SERINC5: variants seen among roughly 807,000 people sequenced by gnomAD.
The protein encoded by SERINC5 is chromosome 5 open reading frame 12.
Under a neutral mutation model 63.1 loss-of-function variants are expected in SERINC5, and 41 were observed. The observed-to-expected ratio is 0.65, with a 90% CI of 0.51 to 0.84. SERINC5 has a LOEUF of 0.84. Ranked by LOEUF, SERINC5 falls within the 40% of genes least tolerant of loss-of-function variation. The probability of loss-of-function intolerance (pLI) is 0.00; values close to 1 mark genes in which losing one functional copy is unlikely to be tolerated. For missense variants in SERINC5, 523 were observed against 573.0 expected (o/e 0.91, Z 0.89); for synonymous variants, 222 against 215.2 (o/e 1.03, Z -0.28).
At chr5:80,206,610 T>A (rs534856490) in intron 1 of SERINC5, among the ~76,000 whole-genome samples, 109 of 152,324 alleles carry the variant, frequency 7.2e-4, no homozygotes, top group African/African-American at 1.7e-3. Context: ...CATTACTGCA[T>A]GTGTGGGTGT....
At position 80,141,708 on chromosome 5, in the gene SERINC5, C is replaced by T; in HGVS notation, c.*1955G>A. ...ATTCCTGGCCCACGGAACTCCTGTC[C>T]CCTAACTGATTCCTCAGGTTAGAAC... On this transcript the variant is annotated 3_prime_UTR_variant, in exon 12 of 12. Transcript: ENST00000507668. 1.0e-6 allele frequency: 1 copy of T among 985,578 alleles called. No individual in the cohort carries two copies. Among genetic ancestry groups the T allele is most frequent in the Non-Finnish European group, 1.2e-6 (1 of 830,030 alleles). The allele number at this position is 985,578 out of a possible 1,614,324, so 61.1% of individuals were successfully genotyped here. A position where few individuals can be genotyped will look rare whatever the true frequency, so the allele number is the denominator to read the frequency against.
At chr5:80,176,320 C>T (rs1194778757) in intron 4 of SERINC5, among the ~76,000 whole-genome samples, 1 of 152,180 alleles carries the variant, frequency 6.6e-6, no homozygotes, top group African/African-American at 2.4e-5. Flanking sequence ...AACAGCAAGA[C>T]TTAGGGAGTA....
rs756832510 is a variant in SERINC5, at chr5:80,147,246, C to T, written c.1092G>A (p.Glu364=). The change falls in exon 10 of 12, where the codon GAG becomes GAA. Residue 364 remains glutamate (E), a splice_region_variant and synonymous_variant. Coordinates refer to ENST00000507668, the MANE Select transcript of SERINC5 (RefSeq NM_001174072.3). ...RCCFCFSPGG[E]DTEEQQPGKE... is the part of the protein sequence containing the mutation. ...AAAGAATAAAAGCGCTCTGCTTACC[C>T]TCTCCACCAGGACTGAAGCAAAAAC... 1 of 1,601,916 alleles carries T rather than the reference C, an allele frequency of 6.2e-7. No individual in the cohort carries two copies. Among genetic ancestry groups the T allele is most frequent in the Non-Finnish European group, 8.5e-7 (1 of 1,174,736 alleles).
chr5:80,214,378 T>C (rs556282796), intron 1 of SERINC5, among the ~76,000 whole-genome samples: 77 of 152,252 alleles, frequency 5.1e-4, no homozygotes, highest in Admixed American at 2.5e-3. Context: ...ATCTTATAAT[T>C]AGAAAAACAT....
intron 1 of SERINC5, among the ~76,000 whole-genome samples, chr5:80,246,263 G>A (rs112584667): frequency 1.3e-5 from 2 of 152,038 alleles, no homozygotes; most frequent in East Asian, 3.9e-4. Context: ...AAATTGCTGA[G>A]ACATAATGTG....
At chr5:80,244,679 G>A (rs935543029) in intron 1 of SERINC5, among the ~76,000 whole-genome samples, 4 of 151,918 alleles carry the variant, frequency 2.6e-5, no homozygotes, top group African/African-American at 7.2e-5. Context: ...AAAATTAGCC[G>A]GGCCTAGTGG....
chr5:80,166,448 C>A lies in SERINC5; in HGVS notation c.794G>T (p.Gly265Val), dbSNP rs868190018. The A allele has an allele frequency of 6.3e-7, 1 of 1,595,166 alleles. No individual in the cohort carries two copies. The highest frequency in any genetic ancestry group is 2.3e-5 in the East Asian group (1 of 44,136). ...RQPHSGLLQS[G>V]VISCYVTYLT... ...GTAGGTGACATAGCAGCTTATGACC[C>A]CTGATTGTAAGAGCCCCGAGTGTGG... Residue 265 changes from glycine to valine, a missense_variant, in exon 7 of 12, where the codon GGG becomes GTG. By Grantham distance (109) the Gly-to-Val change is moderately radical. Transcript: ENST00000507668.
chr5:80,120,160 C>T (rs1744487756), intron 11 of SERINC5, among the ~76,000 whole-genome samples: 1 of 152,194 alleles, frequency 6.6e-6, no homozygotes, highest in Non-Finnish European at 1.5e-5. Flanking sequence ...GAGACTGCTA[C>T]TATTCACCAA....
rs559256011 is a variant in SERINC5, at chr5:80,182,546, C to T, written c.196-4482G>A. Reference sequence around the variant, plus strand: ...CCATAAGCTTCTATCATCTGACCGCCCCCCCCCCCTCCGCTTTTTTTTAAT... The same window carrying T: ...CCATAAGCTTCTATCATCTGACCGCTCCCCCCCCCTCCGCTTTTTTTTAAT... On this transcript the variant is annotated intron_variant, in intron 2 of 11. Coordinates refer to ENST00000507668, the MANE Select transcript of SERINC5 (RefSeq NM_001174072.3). Among the ~76,000 whole-genome samples, 15 of 39,718 alleles carry T rather than the reference C, an allele frequency of 3.8e-4. 1 individual carries two copies. Among genetic ancestry groups the T allele is most frequent in the African/African-American group, 1.5e-3 (9 of 6,130 alleles). 26.1% of individuals were successfully genotyped at this position (39,718 alleles called of 152,430 possible). A position where few individuals can be genotyped will look rare whatever the true frequency, so the allele number is the denominator to read the frequency against.
intron 6 of SERINC5, 99 bp from the exon 7 acceptor site, chr5:80,166,577 G>C (rs1022042448): frequency 3.8e-5 from 27 of 704,824 alleles, no homozygotes; most frequent in Admixed American, 1.3e-4. Context: ...CCTCAAACTT[G>C]AGCATCCACC....
rs527567489 is a variant in SERINC5 at position 80,163,612 on chromosome 5, A to T, written c.859+2771T>A. Among the ~76,000 whole-genome samples the T allele has an allele frequency of 1.2e-3, 186 of 151,506 alleles. 4 individuals are homozygous for T. In the South Asian group the frequency reaches 0.037, roughly 30 times the overall value. ...TGCTTTTTCTGCATCTATTGAAATG[A>T]TCATATGGTTTTTATCTTTAATTCT... On this transcript the variant is annotated intron_variant, in intron 7 of 11. Coordinates refer to ENST00000507668, the MANE Select transcript of SERINC5 (RefSeq NM_001174072.3).
intron 11 of SERINC5, among the ~76,000 whole-genome samples, chr5:80,126,272 C>G (rs1377564503): frequency 2.0e-5 from 3 of 152,136 alleles, no homozygotes; most frequent in Admixed American, 6.5e-5. Flanking sequence ...AAACCAGAAG[C>G]AAACGAAGAG....
chr5:80,229,053 G>GGGGGGGGGC, intron 1 of SERINC5, among the ~76,000 whole-genome samples: 1 of 60,162 alleles, frequency 1.7e-5, no homozygotes, highest in East Asian at 3.9e-4. Flanking sequence ...TTTTTTTTGG[G>GGGGGGGGGC]GATGGAGTTG....
Position 80,178,733 on chromosome 5 carries a change from T to C in SERINC5, c.196-669A>G, listed in dbSNP as rs62364012. On this transcript the variant is annotated intron_variant, in intron 2 of 11. Transcript: ENST00000507668. Reference sequence around the variant, plus strand: ...ATATTTTTGTTGATATGTATACATATATACAAATAAAAAATCAGAGACTTC... The same window carrying C: ...ATATTTTTGTTGATATGTATACATACATACAAATAAAAAATCAGAGACTTC... Among the ~76,000 whole-genome samples the C allele has an allele frequency of 6.3e-3, 963 of 151,938 alleles. 3 individuals are homozygous for C. The highest frequency in any genetic ancestry group is 9.7e-3 in the Non-Finnish European group (657 of 67,958).
At chr5:80,211,559 G>A (rs1750430497) in intron 1 of SERINC5, among the ~76,000 whole-genome samples, 1 of 152,178 alleles carries the variant, frequency 6.6e-6, no homozygotes, top group Non-Finnish European at 1.5e-5. Flanking sequence ...CTGAGCACTG[G>A]AAGAGCCGCC....
intron 8 of SERINC5, among the ~76,000 whole-genome samples, chr5:80,155,596 G>T (rs1311073579): frequency 1.5e-5 from 2 of 131,540 alleles, no homozygotes; most frequent in South Asian, 5.3e-4. Flanking sequence ...AAGAAAGAAG[G>T]AGAGAGAGAG....
At chr5:80,221,000 C>T (rs1750875525) in intron 1 of SERINC5, among the ~76,000 whole-genome samples, 2 of 151,932 alleles carry the variant, frequency 1.3e-5, no homozygotes, top group Non-Finnish European at 2.9e-5. Context: ...AGGAAGCCCC[C>T]CAAAACAGGT....
At chr5:80,188,464 G>A (rs1468655100) in intron 2 of SERINC5, among the ~76,000 whole-genome samples, 1 of 151,974 alleles carries the variant, frequency 6.6e-6, no homozygotes, top group East Asian at 1.9e-4. Context: ...TTCCCTAGAG[G>A]TGCCACTGTC....
At chr5:80,176,115 G>T (rs1189554727) in intron 4 of SERINC5, among the ~76,000 whole-genome samples, 1 of 152,052 alleles carries the variant, frequency 6.6e-6, no homozygotes, top group Non-Finnish European at 1.5e-5. Flanking sequence ...TGAGGCAGAG[G>T]CTGCAGTGAG....
Sources: allele counts gnomAD v4.1 joint callset (sites outside exome capture counted in the v4.1 genomes callset), GRCh38; gene constraint gnomAD v4.1.1; transcripts MANE v1.5; gene names NCBI Gene and HGNC (gene_info 2026-07-23, HGNC 2026-07-21).